The following PRKAA1 variants were observed in gnomAD, a reference collection of about 807,000 sequenced individuals.
PRKAA1 encodes 5'-AMP-activated protein kinase catalytic subunit alpha-1.
A neutral mutation model predicts 56.9 loss-of-function variants in PRKAA1; 23 were observed. The observed-to-expected ratio is 0.40, with a 90% CI of 0.29 to 0.57. PRKAA1 has a LOEUF of 0.57. Ranked by LOEUF, PRKAA1 falls within the 20% of genes least tolerant of loss-of-function variation. The probability of loss-of-function intolerance (pLI) is 0.39; values close to 1 mark genes in which losing one functional copy is unlikely to be tolerated. For missense variants in PRKAA1, 413 were observed against 679.7 expected, an observed-to-expected ratio of 0.61 and a Z score of 4.36; for synonymous variants, 226 against 227.0, an observed-to-expected ratio of 1.00 and a Z score of 0.04.
At chr5:40,783,748 G>A (rs1167004386) in intron 1 of PRKAA1, among the ~76,000 whole-genome samples, 1 of 151,666 alleles carries the variant, frequency 6.6e-6, no homozygotes, top group Non-Finnish European at 1.5e-5. Context: ...AACAGAGCGA[G>A]ACTCCATCTC....
chr5:40,780,455 C>T (rs1451150044), intron 1 of PRKAA1, among the ~76,000 whole-genome samples: 1 of 152,018 alleles, frequency 6.6e-6, no homozygotes, highest in African/African-American at 2.4e-5. Context: ...GAGACATAAC[C>T]AATAAGATAT....
chr5:40,786,183 A>G (rs1744475083), intron 1 of PRKAA1, among the ~76,000 whole-genome samples: 2 of 150,066 alleles, frequency 1.3e-5, no homozygotes, highest in South Asian at 4.4e-4. Flanking sequence ...TGAACCCAGG[A>G]GGCGGAGGTT....
intron 3 of PRKAA1, among the ~76,000 whole-genome samples, chr5:40,774,064 T>TAGC (rs1205278966): frequency 6.6e-6 from 1 of 152,210 alleles, no homozygotes; most frequent in East Asian, 1.9e-4. Flanking sequence ...TTGTTATTAT[T>TAGC]AGCATTTGGT....
chr5:40,792,504 G>A (rs1744757619), intron 1 of PRKAA1, among the ~76,000 whole-genome samples: 1 of 152,154 alleles, frequency 6.6e-6, no homozygotes, highest in Non-Finnish European at 1.5e-5. Context: ...TCATGTAGAG[G>A]TAGGATACCA....
intron 1 of PRKAA1, among the ~76,000 whole-genome samples, chr5:40,786,678 C>T (rs1024216045): frequency 6.6e-5 from 10 of 150,552 alleles, no homozygotes; most frequent in African/African-American, 1.5e-4. Flanking sequence ...TGGTGGCTCA[C>T]GCCTGTAATC....
At chr5:40,770,678 A>G (rs1579722522) in intron 4 of PRKAA1, among the ~76,000 whole-genome samples, 1 of 131,060 alleles carries the variant, frequency 7.6e-6, no homozygotes. Flanking sequence ...TACAACCTCC[A>G]CCTCCTGGGT....
At chr5:40,777,624 T>G (rs1329494049) in intron 1 of PRKAA1, 38 bp from the exon 2 acceptor site, 1 of 1,535,640 alleles carries the variant, frequency 6.5e-7, no homozygotes, top group South Asian at 1.2e-5. Context: ...GTACTAAGTA[T>G]GATTAATAAT....
chr5:40,791,450 C>T (rs2112099870), intron 1 of PRKAA1, among the ~76,000 whole-genome samples: 1 of 152,290 alleles, frequency 6.6e-6, no homozygotes, highest in East Asian at 1.9e-4. Flanking sequence ...AACAACCATG[C>T]TATTGCTATC....
At chr5:40,767,733 C>T in intron 5 of PRKAA1, 43 bp from the exon 6 acceptor site, 1 of 1,494,848 alleles carries the variant, frequency 6.7e-7, no homozygotes, top group South Asian at 1.2e-5. Context: ...TCATTTTAAC[C>T]TAAGATTCAG....
intron 1 of PRKAA1, among the ~76,000 whole-genome samples, chr5:40,792,642 T>A (rs767572099): frequency 6.6e-5 from 10 of 152,230 alleles, no homozygotes; most frequent in Non-Finnish European, 1.2e-4. Flanking sequence ...TAAGATTCAT[T>A]CACACTGATA....
intron 1 of PRKAA1, among the ~76,000 whole-genome samples, chr5:40,796,339 G>GA (rs908692600): frequency 6.7e-6 from 1 of 148,612 alleles, no homozygotes; most frequent in Non-Finnish European, 1.5e-5. Flanking sequence ...AAAGAAAAAA[G>GA]AAAAAAAAAT....
At chr5:40,793,338 G>C (rs1055437017) in intron 1 of PRKAA1, among the ~76,000 whole-genome samples, 1 of 151,676 alleles carries the variant, frequency 6.6e-6, no homozygotes, top group Admixed American at 6.6e-5. Flanking sequence ...GACAATTCAA[G>C]CATAATCACA....
At chr5:40,779,134 A>C (rs1030475781) in intron 1 of PRKAA1, among the ~76,000 whole-genome samples, 1 of 152,128 alleles carries the variant, frequency 6.6e-6, no homozygotes, top group Non-Finnish European at 1.5e-5. Context: ...ATAAAGGGAA[A>C]AAAAAAATCA....
intron 1 of PRKAA1, among the ~76,000 whole-genome samples, chr5:40,788,548 AAAAC>A (rs757211534): frequency 5.3e-5 from 8 of 152,174 alleles, no homozygotes; most frequent in Middle Eastern, 3.2e-3. Context: ...TGAACAGCAA[AAAAC>A]AAACAAACAG....
intron 1 of PRKAA1, among the ~76,000 whole-genome samples, chr5:40,790,665 G>A (rs535916536): frequency 4.9e-4 from 75 of 151,950 alleles, no homozygotes; most frequent in African/African-American, 1.7e-3. Flanking sequence ...TCAGCCTCCC[G>A]AGTAGCTGGG....
chr5:40,775,009 A>G (rs760534316), intron 3 of PRKAA1: 1 of 1,459,500 alleles, frequency 6.9e-7, no homozygotes, highest in Non-Finnish European at 9.6e-7. Flanking sequence ...AAATGTGGCT[A>G]GAATTGACTA....
chr5:40,796,738 G>T (rs1027257230), intron 1 of PRKAA1, among the ~76,000 whole-genome samples: 1 of 152,144 alleles, frequency 6.6e-6, no homozygotes, highest in African/African-American at 2.4e-5. Context: ...AGAAGGAAGC[G>T]TTCTTCTCTT....
In PRKAA1 at chr5:40,764,769, A is replaced by G. The variant is rs781390287; in HGVS notation, c.1291T>C (p.Leu431=). The G allele has an allele frequency of 3.7e-6, 6 of 1,611,048 alleles. No individual in the cohort carries two copies. The Admixed American group carries it at 5.0e-5, about 13-fold the overall frequency. Residue 431 remains leucine (L), a synonymous_variant, in exon 7 of 9, where the codon TTG becomes CTG. Transcript: ENST00000397128. ...TTTCTTACCTTCCATTCATAATCCA[A>G]TTGTTTGATTGCTCTACATACTTCT... ...MAEVCRAIKQ[L]DYEWKVVNPY... is the part of the protein sequence containing the mutation.
Position 40,798,323 on chromosome 5 carries a change from G to C in PRKAA1, c.-134C>G, listed in dbSNP as rs971811385. Reference sequence around the variant, plus strand: ...CGCCAGCCCAGGCCCCGCAGCCTACGTCGGGCGCAGACGCTCCCCCTGGCG... The same window carrying C: ...CGCCAGCCCAGGCCCCGCAGCCTACCTCGGGCGCAGACGCTCCCCCTGGCG... On this transcript the variant is annotated 5_prime_UTR_variant, in exon 1 of 9. Transcript: ENST00000397128. 3 of 444,674 alleles carry C rather than the reference G, an allele frequency of 6.7e-6. No homozygotes were observed. In the Admixed American group the frequency reaches 1.5e-4, roughly 22 times the overall value. 27.5% of individuals were successfully genotyped at this position (444,674 alleles called of 1,614,324 possible).
Sources: gnomAD v4.1 joint callset for allele counts (sites outside exome capture counted in the v4.1 genomes callset) on GRCh38, gnomAD v4.1.1 for gene constraint, MANE v1.5 for transcripts, NCBI Gene and HGNC (gene_info 2026-07-23, HGNC 2026-07-21) for gene names.